ATF6: variants seen among roughly 807,000 people sequenced by gnomAD.
ATF6 encodes cyclic AMP-dependent transcription factor ATF-6 alpha.
ATF6 carries 53 observed loss-of-function variants against 83.6 expected under a neutral mutation model. The observed-to-expected ratio is 0.63, with a 90% CI of 0.51 to 0.80. The LOEUF is 0.80. ATF6 is among the 30% of genes least tolerant of loss of function. ATF6 has a pLI of 0.00. For missense variants in ATF6, 744 were observed against 797.9 expected (o/e 0.93, Z 0.81); for synonymous variants, 288 against 285.8 (o/e 1.01, Z -0.08).
intron 15 of ATF6, among the ~76,000 whole-genome samples, chr1:161,922,632 A>G (rs1409793144): frequency 6.6e-6 from 1 of 151,916 alleles, no homozygotes; most frequent in Non-Finnish European, 1.5e-5. Context: ...TAACAGTTAA[A>G]CCAAGATCTG....
At chr1:161,952,576 G>A (rs1258159563) in intron 15 of ATF6, among the ~76,000 whole-genome samples, 3 of 150,868 alleles carry the variant, frequency 2.0e-5, no homozygotes, top group Non-Finnish European at 3.0e-5. Flanking sequence ...TTTTTTTTCC[G>A]TTTTGTTTAC....
chr1:161,886,109 G>A (rs1189147671), intron 14 of ATF6, among the ~76,000 whole-genome samples: 1 of 152,188 alleles, frequency 6.6e-6, no homozygotes, highest in Non-Finnish European at 1.5e-5. Flanking sequence ...GTAGGGTAGA[G>A]AGTAGGAGGA....
chr1:161,844,604 G>A (rs145460672), intron 9 of ATF6, among the ~76,000 whole-genome samples: 4 of 152,096 alleles, frequency 2.6e-5, no homozygotes, highest in African/African-American at 9.6e-5. Context: ...GGTCAGTAGG[G>A]GTTGAATTAA....
intron 15 of ATF6, among the ~76,000 whole-genome samples, chr1:161,936,981 C>A (rs1688548176): frequency 6.6e-6 from 1 of 152,140 alleles, no homozygotes; most frequent in African/African-American, 2.4e-5. Context: ...CATATCTAAT[C>A]CCTCAGCAAA....
intron 4 of ATF6, among the ~76,000 whole-genome samples, chr1:161,787,327 A>G (rs1684767329): frequency 6.6e-6 from 1 of 152,160 alleles, no homozygotes; most frequent in Admixed American, 6.5e-5. Flanking sequence ...TTCTTATTTT[A>G]TTCAACAGAT....
intron 15 of ATF6, among the ~76,000 whole-genome samples, chr1:161,949,799 G>C (rs1335092034): frequency 6.6e-6 from 1 of 152,132 alleles, no homozygotes; most frequent in Non-Finnish European, 1.5e-5. Flanking sequence ...CTTCATGAGA[G>C]ATCTGCCCCA....
At chr1:161,880,865 G>A (rs1196629623) in intron 14 of ATF6, among the ~76,000 whole-genome samples, 1 of 152,128 alleles carries the variant, frequency 6.6e-6, no homozygotes, top group African/African-American at 2.4e-5. Flanking sequence ...ATTCCCACCA[G>A]TGGGAATAAG....
intron 14 of ATF6, among the ~76,000 whole-genome samples, chr1:161,888,268 A>G (rs1687471541): frequency 6.6e-6 from 1 of 152,222 alleles, no homozygotes; most frequent in African/African-American, 2.4e-5. Context: ...CTTTTTGAAA[A>G]TAGAGTAACC....
chr1:161,820,925 T>C, intron 8 of ATF6, 145 bp from the exon 9 acceptor site: 2 of 147,560 alleles, frequency 1.4e-5, no homozygotes, highest in Non-Finnish European at 2.6e-5. Flanking sequence ...TCACCTTTGA[T>C]TTTTTTTTTT....
chr1:161,830,564 T>A (rs1227355526), intron 9 of ATF6, among the ~76,000 whole-genome samples: 1 of 152,184 alleles, frequency 6.6e-6, no homozygotes, highest in Non-Finnish European at 1.5e-5. Flanking sequence ...AAGGCTACAG[T>A]AACCAAAACA....
At chr1:161,868,692 A>G (rs2101845539) in intron 14 of ATF6, among the ~76,000 whole-genome samples, 1 of 152,094 alleles carries the variant, frequency 6.6e-6, no homozygotes. Context: ...AAGAAATTGG[A>G]ATCTATTTTA....
At chr1:161,856,122 T>G (rs1686753710) in intron 12 of ATF6, among the ~76,000 whole-genome samples, 1 of 152,230 alleles carries the variant, frequency 6.6e-6, no homozygotes, top group South Asian at 2.1e-4. Flanking sequence ...AAGCAGTATG[T>G]GTTATGTTCT....
intron 6 of ATF6, among the ~76,000 whole-genome samples, chr1:161,799,170 G>C (rs1228503873): frequency 6.6e-6 from 1 of 152,118 alleles, no homozygotes; most frequent in Non-Finnish European, 1.5e-5. Context: ...CAAAGACATG[G>C]AATCAACCTA....
At chr1:161,774,894 G>A (rs1265514457) in intron 1 of ATF6, among the ~76,000 whole-genome samples, 1 of 152,060 alleles carries the variant, frequency 6.6e-6, no homozygotes, top group Non-Finnish European at 1.5e-5. Flanking sequence ...GTCTTTTCCT[G>A]TCTCTAATGT....
intron 9 of ATF6, among the ~76,000 whole-genome samples, chr1:161,829,147 C>A (rs572774690): frequency 6.7e-6 from 1 of 150,254 alleles, no homozygotes; most frequent in Admixed American, 6.8e-5. Context: ...TCCTTAGAGA[C>A]CTACAAAGAG....
chr1:161,929,503 C>T (rs746952936), intron 15 of ATF6, among the ~76,000 whole-genome samples: 1 of 152,070 alleles, frequency 6.6e-6, no homozygotes, highest in Non-Finnish European at 1.5e-5. Context: ...TATGCCTGTA[C>T]CCTAGTTACA....
intron 15 of ATF6, among the ~76,000 whole-genome samples, chr1:161,917,386 C>T (rs1308684036): frequency 3.3e-5 from 5 of 151,990 alleles, no homozygotes; most frequent in African/African-American, 1.2e-4. Context: ...TTCAGATACA[C>T]CTTATATACA....
At chr1:161,832,160 TA>T (rs1412131424) in intron 9 of ATF6, among the ~76,000 whole-genome samples, 2 of 152,106 alleles carry the variant, frequency 1.3e-5, no homozygotes, top group Non-Finnish European at 2.9e-5. Context: ...AAGACAGAAT[TA>T]AAGTCTGGTA....
intron 4 of ATF6, among the ~76,000 whole-genome samples, chr1:161,787,626 T>G (rs1300276980): frequency 6.6e-6 from 1 of 152,196 alleles, no homozygotes; most frequent in Non-Finnish European, 1.5e-5. Context: ...TCTAGTGGCT[T>G]AGGATAAAAT....
Sources: gnomAD v4.1 joint callset for allele counts (sites outside exome capture counted in the v4.1 genomes callset) on GRCh38, gnomAD v4.1.1 for gene constraint, MANE v1.5 for transcripts, NCBI Gene and HGNC (gene_info 2026-07-23, HGNC 2026-07-21) for gene names.